GREB1L: variants seen among roughly 807,000 people sequenced by gnomAD.
GREB1L encodes GREB1 like retinoic acid receptor coactivator.
GREB1L carries 17 observed loss-of-function variants against 200.8 expected under a neutral mutation model. The ratio of observed to expected loss-of-function variants is 0.08; its 90% CI spans 0.06 to 0.13. The LOEUF is 0.13. Ranked by LOEUF, GREB1L falls within the 10% of genes least tolerant of loss-of-function variation. The pLI, the probability that GREB1L is intolerant of heterozygous loss-of-function variation, is 1.00. For missense variants in GREB1L, 1,657 were observed against 2,367.7 expected, an observed-to-expected ratio of 0.70 and a Z score of 6.23; for synonymous variants, 789 against 893.0, an observed-to-expected ratio of 0.88 and a Z score of 2.08.
intron 9 of GREB1L, among the ~76,000 whole-genome samples, chr18:21,440,734 T>G (rs2033852996): frequency 6.6e-6 from 1 of 152,200 alleles, no homozygotes; most frequent in African/African-American, 2.4e-5. Context: ...CCCACGCTTA[T>G]TATTTCTGAC....
At chr18:21,486,525 A>T (rs1386168874) in intron 18 of GREB1L, among the ~76,000 whole-genome samples, 1 of 152,182 alleles carries the variant, frequency 6.6e-6, no homozygotes, top group African/African-American at 2.4e-5. Context: ...ACACTGGAAG[A>T]AATTAAAGAG....
At position 21,345,772 on chromosome 18, in the gene GREB1L, T is replaced by A. The variant is rs144022064; in HGVS notation, c.-119-20255T>A. On this transcript the variant is annotated intron_variant, in intron 1 of 32. Coordinates refer to ENST00000424526, the MANE Select transcript of GREB1L (RefSeq NM_001142966.3). ...CTGTAATCCCAGCTACTCAGGAAGC[T>A]GAGGCAGGAGAATCACTTGAAACTG... Among the ~76,000 whole-genome samples the A allele has an allele frequency of 2.7e-5, 4 of 150,898 alleles. No individual in the cohort carries two copies. In the East Asian group the frequency reaches 7.8e-4, roughly 30 times the overall value.
chr18:21,484,290 T>C (rs1347223593), intron 17 of GREB1L, among the ~76,000 whole-genome samples: 1 of 151,456 alleles, frequency 6.6e-6, no homozygotes, highest in East Asian at 2.0e-4. Context: ...TTCTTCTGCC[T>C]CAGCCTCCTG....
chr18:21,499,887 C>G lies in GREB1L; in HGVS notation c.3550C>G (p.Gln1184Glu). 1 of 1,550,234 alleles carries G rather than the reference C, an allele frequency of 6.5e-7. No individual in the cohort carries two copies. The highest frequency in any genetic ancestry group is 1.2e-5 in the South Asian group (1 of 83,888). Residue 1184 changes from glutamine (Q) to glutamate (E), a missense_variant, in exon 22 of 33, where the codon CAG becomes GAG. Gln to Glu is a conservative substitution (Grantham distance 29). Transcript: ENST00000424526. ...AGAGAGETLKQECDSLGPQMA... is the reference protein window; with the variant it reads ...AGAGAGETLKEECDSLGPQMA... ...AGCCGGAGCCGGGGAGACTCTGAAG[C>G]AGGAATGTGACTCCCTGGGCCCCCA...
intron 27 of GREB1L, 66 bp downstream of exon 27, chr18:21,508,657 T>C (rs1348191032): frequency 7.3e-7 from 1 of 1,364,090 alleles, no homozygotes; most frequent in East Asian, 2.5e-5. Flanking sequence ...TCCCCTGGCA[T>C]GAAACTTTCA....
In GREB1L at chr18:21,444,227, A is replaced by G. The variant is rs534318979; in HGVS notation, c.1211A>G (p.Tyr404Cys). Reference protein sequence around the residue: ...SGVRPVILIGYGTLPYFYGNV... With the variant: ...SGVRPVILIGCGTLPYFYGNV... ...TGACCTGCTTCTATTGGGACAGGCT[A>G]TGGCACTTTACCCTATTTCTATGGA... The change falls in exon 11 of 33, where the codon TAT becomes TGT. Residue 404 changes from tyrosine (Y) to cysteine (C), a missense_variant. Coordinates refer to ENST00000424526, the MANE Select transcript of GREB1L (RefSeq NM_001142966.3). 98 of 1,549,984 alleles carry G rather than the reference A, an allele frequency of 6.3e-5. 2 individuals are homozygous for G. In the South Asian group the frequency reaches 9.9e-4, roughly 16 times the overall value.
intron 22 of GREB1L, 55 bp downstream of exon 22, chr18:21,500,361 CAAGAAGTAG>C: frequency 1.1e-6 from 1 of 889,922 alleles, no homozygotes; most frequent in Non-Finnish European, 1.8e-6. Flanking sequence ...GCGTCTTCCT[CAAGAAGTAG>C]AAGCCAGAAA....
chr18:21,522,193 C>T (rs766221351), intron 32 of GREB1L, among the ~76,000 whole-genome samples: 1 of 151,900 alleles, frequency 6.6e-6, no homozygotes, highest in Non-Finnish European at 1.5e-5. Flanking sequence ...TGAATTTGGG[C>T]TGGGCGCAGT....
intron 4 of GREB1L, among the ~76,000 whole-genome samples, chr18:21,391,447 G>A (rs1361430690): frequency 2.0e-5 from 3 of 152,192 alleles, no homozygotes; most frequent in Admixed American, 6.5e-5. Flanking sequence ...CAACAAAATC[G>A]CCTCTTAGAA....
At chr18:21,430,610 A>C (rs895623760) in intron 7 of GREB1L, among the ~76,000 whole-genome samples, 1 of 62,562 alleles carries the variant, frequency 1.6e-5, no homozygotes. Context: ...TTTTTTTTTA[A>C]TTTGAGACGG....
intron 15 of GREB1L, 21 bp from the exon 16 acceptor site, chr18:21,473,010 G>T (rs745642607): frequency 6.7e-7 from 1 of 1,496,658 alleles, no homozygotes. Flanking sequence ...GTTAAAAGAT[G>T]AACTTTTTTC....
chr18:21,340,530 G>A (rs974816714), intron 1 of GREB1L, among the ~76,000 whole-genome samples: 1 of 151,714 alleles, frequency 6.6e-6, no homozygotes, highest in Non-Finnish European at 1.5e-5. Context: ...GATTAACCAA[G>A]ATTTTTTCTT....
intron 1 of GREB1L, among the ~76,000 whole-genome samples, chr18:21,344,507 C>T (rs1237696030): frequency 1.3e-5 from 2 of 152,222 alleles, no homozygotes; most frequent in East Asian, 3.8e-4. Context: ...TCTGATCTCA[C>T]AGATGTTGTA....
At chr18:21,436,782 C>T (rs2033575139) in intron 7 of GREB1L, among the ~76,000 whole-genome samples, 2 of 151,330 alleles carry the variant, frequency 1.3e-5, no homozygotes, top group African/African-American at 4.9e-5. Context: ...GCGATCTCAG[C>T]TCACTGCAGC....
At chr18:21,327,141 A>C (rs955191216) in intron 1 of GREB1L, among the ~76,000 whole-genome samples, 7 of 152,218 alleles carry the variant, frequency 4.6e-5, no homozygotes, top group African/African-American at 1.7e-4. Flanking sequence ...TTATTTTCCT[A>C]AGGTTCCAAT....
intron 7 of GREB1L, among the ~76,000 whole-genome samples, chr18:21,414,431 TAAA>T (rs2031417151): frequency 6.6e-6 from 1 of 152,146 alleles, no homozygotes; most frequent in Admixed American, 6.5e-5. Flanking sequence ...TTCATAAACA[TAAA>T]AATTCTCAAA....
At chr18:21,497,770 C>T (rs1381130196) in intron 21 of GREB1L, among the ~76,000 whole-genome samples, 2 of 150,576 alleles carry the variant, frequency 1.3e-5, no homozygotes, top group East Asian at 3.9e-4. Flanking sequence ...GAAGTAATCA[C>T]TCTTAATGTT....
intron 1 of GREB1L, among the ~76,000 whole-genome samples, chr18:21,283,636 G>A (rs1163857055): frequency 2.0e-5 from 3 of 152,188 alleles, no homozygotes; most frequent in Non-Finnish European, 2.9e-5. Context: ...TTCTGGAGAA[G>A]GCTCTGGAAG....
At chr18:21,457,850 A>G (rs2034841110) in intron 15 of GREB1L, among the ~76,000 whole-genome samples, 1 of 152,196 alleles carries the variant, frequency 6.6e-6, no homozygotes, top group Non-Finnish European at 1.5e-5. Context: ...AGCTGTTAAA[A>G]CAGAAAGTTT....
Sources: gnomAD v4.1 joint callset for allele counts (sites outside exome capture counted in the v4.1 genomes callset) on GRCh38, gnomAD v4.1.1 for gene constraint, MANE v1.5 for transcripts, NCBI Gene and HGNC (gene_info 2026-07-23, HGNC 2026-07-21) for gene names.